ZGRF1: variants seen among roughly 807,000 people sequenced by gnomAD.
The protein encoded by ZGRF1 is 5'-3' DNA helicase ZGRF1.
Under a neutral mutation model 203.5 loss-of-function variants are expected in ZGRF1, and 196 were observed. The observed-to-expected ratio is 0.96, with a 90% CI of 0.86 to 1.08. The LOEUF (loss-of-function observed/expected upper bound fraction) is 1.08, where lower values mean the gene tolerates loss of function less well. Ranked by LOEUF, ZGRF1 falls within the 50% of genes least tolerant of loss-of-function variation. The pLI, the probability that ZGRF1 is intolerant of heterozygous loss-of-function variation, is 0.00. For synonymous variants in ZGRF1, 809 were observed against 841.3 expected, an observed-to-expected ratio of 0.96 and a Z score of 0.66; for missense variants, 2,326 against 2,416.3, an observed-to-expected ratio of 0.96 and a Z score of 0.78.
intron 10 of ZGRF1, among the ~76,000 whole-genome samples, chr4:112,595,377 T>G (rs960512285): frequency 6.6e-6 from 1 of 152,212 alleles, no homozygotes; most frequent in Non-Finnish European, 1.5e-5. Context: ...AAAAAATTAT[T>G]ATGTTCAAAG....
At chr4:112,574,526 G>A (rs573113570) in intron 16 of ZGRF1, among the ~76,000 whole-genome samples, 2 of 152,268 alleles carry the variant, frequency 1.3e-5, no homozygotes, top group African/African-American at 4.8e-5. Flanking sequence ...GACAAGATGA[G>A]GTAATGGGGT....
intron 4 of ZGRF1, 73 bp from the exon 5 acceptor site, chr4:112,620,263 C>A: frequency 8.8e-7 from 1 of 1,134,082 alleles, no homozygotes; most frequent in Non-Finnish European, 1.2e-6. Context: ...TGCTCACTAG[C>A]ACTAAGACAC....
At chr4:112,577,311 C>T (rs7436008) in intron 16 of ZGRF1, among the ~76,000 whole-genome samples, 14,129 of 122,202 alleles carry the variant, frequency 0.12, 4,360 homozygotes, top group Non-Finnish European at 0.17. Flanking sequence ...CTGGTACCAG[C>T]CACTGCAAAA....
rs151219591 is a variant in ZGRF1, at chr4:112,617,546, T to C, written c.2496A>G (p.Leu832=). The C allele has an allele frequency of 6.8e-5, 109 of 1,613,674 alleles. 1 individual carries two copies. In the East Asian group the frequency reaches 2.1e-3, roughly 32 times the overall value. Residue 832 remains leucine (L), a synonymous_variant, in exon 6 of 28, where the codon CTA becomes CTG. Coordinates refer to ENST00000505019, the MANE Select transcript of ZGRF1 (RefSeq NM_018392.5). ...LVNTISILKS[L]CEHSTALDSL... ...TGTCTAAAGCAGTACTGTGTTCACA[T>C]AGCGACTTTAAAATAGAAATGGTAT...
At position 112,586,534 on chromosome 4, in the gene ZGRF1, G is replaced by C. The variant is rs1176315062; in HGVS notation, c.3827C>G (p.Ser1276Cys). ...AATTTGCCTTTGGGGAAGATAAGCAGATTTTATTTTCTGCCCACTTGGAAA... is the reference window on the plus strand; with the variant it reads ...AATTTGCCTTTGGGGAAGATAAGCACATTTTATTTTCTGCCCACTTGGAAA... ...LCFPSGQKIK[S>C]AYLPQRQIHI... Residue 1276 changes from serine (S) to cysteine (C), a missense_variant, in exon 13 of 28, where the codon TCT (serine) becomes TGT (cysteine). Transcript: ENST00000505019. 4 of 1,612,864 alleles carry C rather than the reference G, an allele frequency of 2.5e-6. No individual in the cohort carries two copies. The highest frequency in any genetic ancestry group is 3.4e-6 in the Non-Finnish European group (4 of 1,179,318).
At chr4:112,624,401 G>A (rs2047161498) in intron 3 of ZGRF1, among the ~76,000 whole-genome samples, 1 of 151,692 alleles carries the variant, frequency 6.6e-6, no homozygotes, top group South Asian at 2.1e-4. Flanking sequence ...GGGTTGCAGT[G>A]AGCTGAGATC....
At position 112,539,370 on chromosome 4, in the gene ZGRF1, G is replaced by A. The variant is rs1490902162; in HGVS notation, c.*177C>T. ...GAAAAAAGCTTATTTTTATTAGTAG[G>A]ATTTTATACTACCTTTTGTACACTT... On this transcript the variant is annotated 3_prime_UTR_variant, in exon 28 of 28. Coordinates refer to ENST00000505019, the MANE Select transcript of ZGRF1 (RefSeq NM_018392.5). 2.4e-6 allele frequency: 1 copy of A among 414,520 alleles called. No individual in the cohort carries two copies. The highest frequency in any genetic ancestry group is 4.0e-5 in the Admixed American group (1 of 24,942). The allele number at this position is 414,520 out of a possible 1,614,324, so 25.7% of individuals were successfully genotyped here.
intron 10 of ZGRF1, among the ~76,000 whole-genome samples, chr4:112,592,070 C>T (rs567194919): frequency 6.7e-6 from 1 of 150,286 alleles, no homozygotes; most frequent in South Asian, 2.1e-4. Context: ...CATACATGGT[C>T]TCCATTTTCT....
At chr4:112,554,575 T>C (rs1319795013) in intron 21 of ZGRF1, 130 bp downstream of exon 21, 7 of 583,154 alleles carry the variant, frequency 1.2e-5, no homozygotes, top group Non-Finnish European at 2.1e-5. Flanking sequence ...AAAATACAGA[T>C]TTTCTAAGTT....
rs553489515 is a variant in ZGRF1, at chr4:112,560,079, A to G, written c.4960+654T>C. ...AGATTTGATTTGGTCAACAGGGTGG[A>G]TATGACATAATTCCTCAAAATAGGA... On this transcript the variant is annotated intron_variant, in intron 19 of 27. Coordinates refer to ENST00000505019, the MANE Select transcript of ZGRF1 (RefSeq NM_018392.5). Among the ~76,000 whole-genome samples the G allele has an allele frequency of 5.3e-5, 8 of 152,324 alleles. No homozygotes were observed. In the South Asian group the frequency reaches 1.5e-3, roughly 28 times the overall value.
At chr4:112,631,780 C>T (rs560772657) in intron 3 of ZGRF1, 150 bp downstream of exon 3, 7 of 453,980 alleles carry the variant, frequency 1.5e-5, no homozygotes, top group Non-Finnish European at 2.7e-5. Context: ...AAATTAACCA[C>T]TGTGATATGG....
At position 112,566,441 on chromosome 4, in the gene ZGRF1, GTAAC is replaced by G. The variant is rs1416187834; in HGVS notation, c.4439-3171_4439-3168del. Among the ~76,000 whole-genome samples the G allele has an allele frequency of 3.3e-5, 5 of 151,368 alleles. No individual in the cohort carries two copies. The East Asian group carries it at 9.7e-4, about 29-fold the overall frequency. ...ACCAGCATGGCACATGTATACATAT[GTAAC>G]TAACCTGCACAATGTGCACATGTAC... is the stretch of plus-strand genomic sequence containing the variant. On this transcript the variant is annotated intron_variant, in intron 16 of 27. Coordinates refer to ENST00000505019, the MANE Select transcript of ZGRF1 (RefSeq NM_018392.5).
chr4:112,600,551 C>T (rs549495461), intron 10 of ZGRF1, among the ~76,000 whole-genome samples: 5 of 151,980 alleles, frequency 3.3e-5, no homozygotes, highest in Admixed American at 1.3e-4. Context: ...AATTAGCTGG[C>T]GTGGTGGTGG....
At position 112,541,225 on chromosome 4, in the gene ZGRF1, G is replaced by A. The variant is rs749467832; in HGVS notation, c.5642C>T (p.Pro1881Leu). Reference protein sequence around the residue: ...ILLRTQYRCHPAISAIANDLF... With the variant: ...ILLRTQYRCHLAISAIANDLF... ...ATCATTAGCAATAGCACTGATTGCA[G>A]GATGACAACGGTATTGAGTTCTCAA... is the stretch of plus-strand genomic sequence containing the variant. Residue 1881 changes from proline to leucine, a missense_variant, in exon 25 of 28, where the codon CCT becomes CTT. Coordinates refer to ENST00000505019, the MANE Select transcript of ZGRF1 (RefSeq NM_018392.5). 2.5e-6 allele frequency: 4 copies of A among 1,608,378 alleles called. No individual in the cohort carries two copies. Among genetic ancestry groups the A allele is most frequent in the Non-Finnish European group, 3.4e-6 (4 of 1,176,152 alleles).
intron 3 of ZGRF1, 99 bp downstream of exon 3, chr4:112,631,831 G>T: frequency 1.8e-6 from 1 of 547,224 alleles, no homozygotes; most frequent in Non-Finnish European, 3.2e-6. Context: ...TTCAGTGTAT[G>T]GATATATCTG....
At chr4:112,608,722 A>C (rs1751134852) in intron 8 of ZGRF1, among the ~76,000 whole-genome samples, 1 of 152,222 alleles carries the variant, frequency 6.6e-6, no homozygotes, top group African/African-American at 2.4e-5. Flanking sequence ...AATTGTTTAT[A>C]ATTTTATATG....
At chr4:112,540,554 A>G (rs1462437679) in intron 26 of ZGRF1, among the ~76,000 whole-genome samples, 6 of 152,190 alleles carry the variant, frequency 3.9e-5, no homozygotes, top group Non-Finnish European at 8.8e-5. Flanking sequence ...AGCATACACC[A>G]TATTTTCTTC....
At position 112,618,604 on chromosome 4, in the gene ZGRF1, G is replaced by T; in HGVS notation, c.1438C>A (p.Pro480Thr). Residue 480 changes from proline to threonine, a missense_variant, in exon 6 of 28, where the codon CCA becomes ACA. Coordinates refer to ENST00000505019, the MANE Select transcript of ZGRF1 (RefSeq NM_018392.5). The stretch of plus-strand genomic sequence containing the variant: ...TCAATTTGGAGATGTTTCAGTTCTG[G>T]CAGAGATGACTCTGATTGTTCATAC... ...KEYEQSESSL[P>T]ELKHLQIESS... 1 of 1,613,328 alleles carries T rather than the reference G, an allele frequency of 6.2e-7. No individual in the cohort carries two copies.
chr4:112,628,930 A>T (rs182824391), intron 3 of ZGRF1: 10 of 356,496 alleles, frequency 2.8e-5, no homozygotes, highest in East Asian at 1.5e-4. Context: ...TTATGTATTT[A>T]AAAAAAATAT....
Sources: gnomAD v4.1 joint callset for allele counts (sites outside exome capture counted in the v4.1 genomes callset) on GRCh38, gnomAD v4.1.1 for gene constraint, MANE v1.5 for transcripts, NCBI Gene and HGNC (gene_info 2026-07-23, HGNC 2026-07-21) for gene names.